ARB2A: variants seen among roughly 807,000 people sequenced by gnomAD.
The protein encoded by ARB2A is ARB2 cotranscriptional regulator A, also known as cotranscriptional regulator ARB2A.
At chr5:93,705,907 CT>C in the ARB2A span, among the ~76,000 whole-genome samples, 1 of 152,070 alleles carries the variant, frequency 6.6e-6, no homozygotes, top group Admixed American at 6.6e-5. Flanking sequence ...ATTGGAAGTT[CT>C]TAACGTATAA....
chr5:93,763,297 A>G, the ARB2A span, among the ~76,000 whole-genome samples: 23 of 152,070 alleles, frequency 1.5e-4, no homozygotes, highest in African/African-American at 5.5e-4. Flanking sequence ...GTATTCAGGA[A>G]ACCCATCTCA....
At chr5:93,618,473 T>C in the ARB2A span, 1 of 152,212 alleles carries the variant, frequency 6.6e-6, no homozygotes, top group African/African-American at 2.4e-5. Flanking sequence ...GAAACAAAAA[T>C]GGGGAAGAAG....
chr5:93,963,022 G>C, the ARB2A span, among the ~76,000 whole-genome samples: 1 of 152,032 alleles, frequency 6.6e-6, no homozygotes, highest in African/African-American at 2.4e-5. Context: ...CCTAGAACTA[G>C]AAGTATTATA....
At chr5:93,691,105 A>G in the ARB2A span, among the ~76,000 whole-genome samples, 1 of 152,178 alleles carries the variant, frequency 6.6e-6, no homozygotes, top group Non-Finnish European at 1.5e-5. Flanking sequence ...TCCAAAAATC[A>G]GAATGCCTCT....
the ARB2A span, among the ~76,000 whole-genome samples, chr5:93,987,263 A>C: frequency 1.3e-5 from 2 of 152,194 alleles, no homozygotes; most frequent in African/African-American, 4.8e-5. Context: ...GGAAGGAATA[A>C]TAAAAGAAGG....
the ARB2A span, among the ~76,000 whole-genome samples, chr5:94,012,230 G>A: frequency 1.5e-4 from 23 of 152,272 alleles, no homozygotes; most frequent in East Asian, 3.9e-4. Context: ...GTGAAACCCC[G>A]TCTCTACTAA....
At chr5:93,750,909 T>A in the ARB2A span, among the ~76,000 whole-genome samples, 2 of 152,150 alleles carry the variant, frequency 1.3e-5, no homozygotes, top group Non-Finnish European at 2.9e-5. Flanking sequence ...TATATTAATA[T>A]TGACAGAAGA....
At chr5:93,855,501 A>G in the ARB2A span, among the ~76,000 whole-genome samples, 1 of 152,156 alleles carries the variant, frequency 6.6e-6, no homozygotes, top group South Asian at 2.1e-4. Context: ...TCCTGTCATT[A>G]TGATGTTAGC....
At chr5:93,816,154 C>T in the ARB2A span, among the ~76,000 whole-genome samples, 4 of 152,156 alleles carry the variant, frequency 2.6e-5, no homozygotes, top group East Asian at 7.7e-4. Flanking sequence ...TTCTTTTTGT[C>T]CCCTAGAAGT....
the ARB2A span, among the ~76,000 whole-genome samples, chr5:93,777,434 A>G: frequency 6.6e-6 from 1 of 152,216 alleles, no homozygotes; most frequent in African/African-American, 2.4e-5. Context: ...CAATTCAGAT[A>G]AATAAAATAA....
chr5:93,646,350 C>G, the ARB2A span, among the ~76,000 whole-genome samples: 1 of 151,658 alleles, frequency 6.6e-6, no homozygotes, highest in Non-Finnish European at 1.5e-5. Context: ...TCGGTGAAAC[C>G]TTTTAACTAT....
At chr5:94,096,119 C>T in the ARB2A span, among the ~76,000 whole-genome samples, 1 of 152,212 alleles carries the variant, frequency 6.6e-6, no homozygotes, top group Middle Eastern at 3.2e-3. Context: ...TTCCAAACTA[C>T]TTAATTCCAG....
At chr5:93,781,995 T>G in the ARB2A span, 1 of 921,060 alleles carries the variant, frequency 1.1e-6, no homozygotes, top group Non-Finnish European at 1.3e-6. Context: ...GGAGGAAGTT[T>G]CATCCTGAGA....
the ARB2A span, among the ~76,000 whole-genome samples, chr5:93,704,606 G>C: frequency 6.6e-6 from 1 of 152,086 alleles, no homozygotes; most frequent in Non-Finnish European, 1.5e-5. Context: ...CCCCAAACAA[G>C]AAAAACTAGT....
At chr5:94,063,677 T>C in the ARB2A span, among the ~76,000 whole-genome samples, 1 of 152,074 alleles carries the variant, frequency 6.6e-6, no homozygotes, top group African/African-American at 2.4e-5. Context: ...CTGGTATCCC[T>C]GTCCCCAGCA....
the ARB2A span, among the ~76,000 whole-genome samples, chr5:93,689,034 GT>G: frequency 6.6e-6 from 1 of 152,106 alleles, no homozygotes; most frequent in Admixed American, 6.6e-5. Flanking sequence ...CCTTTTCCAA[GT>G]TTTTACAAGG....
the ARB2A span, among the ~76,000 whole-genome samples, chr5:94,071,224 CTAAT>C: frequency 1.3e-5 from 2 of 151,928 alleles, no homozygotes. Flanking sequence ...ACGAAACCTA[CTAAT>C]ATATGTTTAA....
the ARB2A span, among the ~76,000 whole-genome samples, chr5:93,640,294 C>T: frequency 1.3e-5 from 2 of 151,034 alleles, no homozygotes; most frequent in African/African-American, 4.9e-5. Context: ...ACTAAAAATA[C>T]AAAAAGTAGC....
At chr5:93,975,593 A>G in the ARB2A span, among the ~76,000 whole-genome samples, 2 of 152,124 alleles carry the variant, frequency 1.3e-5, no homozygotes, top group Admixed American at 6.6e-5. Flanking sequence ...CAGAAATGAC[A>G]AAGATGACAT....
Sources: gnomAD v4.1 joint callset for allele counts (sites outside exome capture counted in the v4.1 genomes callset) on GRCh38, gnomAD v4.1.1 for gene constraint, MANE v1.5 for transcripts, NCBI Gene and HGNC (gene_info 2026-07-23, HGNC 2026-07-21) for gene names.